The following UBE2D4 variants were observed in gnomAD, a reference collection of about 807,000 sequenced individuals.
UBE2D4 encodes the protein ubiquitin conjugating enzyme E2 D4.
UBE2D4 carries 17 observed loss-of-function variants against 23.0 expected under a neutral mutation model. That is an observed-to-expected ratio of 0.74 (90% CI 0.51 to 1.11). UBE2D4 has a LOEUF of 1.11. Ranked by LOEUF, UBE2D4 falls within the 50% of genes least tolerant of loss-of-function variation. The pLI is 0.00. For synonymous variants in UBE2D4, 61 were observed against 69.4 expected (o/e 0.88, Z 0.60); for missense variants, 139 against 181.8 (o/e 0.76, Z 1.35).
intron 2 of UBE2D4, 92 bp from the exon 3 acceptor site, chr7:43,942,734 G>T: frequency 1.3e-6 from 2 of 1,566,884 alleles, no homozygotes; most frequent in Non-Finnish European, 8.8e-7. Context: ...ATCTTGTGTA[G>T]ACAGTGCGCT....
At chr7:43,933,026 ATATACACATATGTATGTGTG>A (rs2095950136) in intron 1 of UBE2D4, among the ~76,000 whole-genome samples, 5 of 146,144 alleles carry the variant, frequency 3.4e-5, no homozygotes, top group South Asian at 4.3e-4. Context: ...ACACACATAT[ATATACACATATGTATGTGTG>A]TATATATATA....
intron 4 of UBE2D4, 75 bp from the exon 5 acceptor site, chr7:43,948,557 C>A: frequency 1.0e-6 from 1 of 973,784 alleles, no homozygotes; most frequent in Non-Finnish European, 1.6e-6. Flanking sequence ...CCAGCAGCAG[C>A]TGCTTCTGCT....
chr7:43,941,684 G>C (rs192950507), intron 2 of UBE2D4: 2 of 152,170 alleles, frequency 1.3e-5, no homozygotes, highest in Non-Finnish European at 2.9e-5. Flanking sequence ...GGAATAGAAG[G>C]GTTTATAAAG....
Position 43,953,075 on chromosome 7 carries a change from GC to G in UBE2D4, c.*384del, listed in dbSNP as rs2096006580. 1 of 453,896 alleles carries G rather than the reference GC, an allele frequency of 2.2e-6. No homozygotes were observed. Among genetic ancestry groups the G allele is most frequent in the Admixed American group, 2.4e-5 (1 of 42,128 alleles). 28.1% of individuals were successfully genotyped at this position (453,896 alleles called of 1,614,324 possible). ...GGTACCACACCAGGGCCTCAGCCTG[GC>G]CCCTCACCACATACCCTTTGCCTTT... On this transcript the variant is annotated 3_prime_UTR_variant, in exon 7 of 7. Transcript: ENST00000222402.
intron 2 of UBE2D4, 91 bp from the exon 3 acceptor site, chr7:43,942,735 A>G: frequency 1.9e-6 from 3 of 1,571,256 alleles, no homozygotes; most frequent in South Asian, 1.1e-5. Context: ...TCTTGTGTAG[A>G]CAGTGCGCTG....
At chr7:43,930,628 A>T (rs968502914) in intron 1 of UBE2D4, among the ~76,000 whole-genome samples, 8 of 151,940 alleles carry the variant, frequency 5.3e-5, no homozygotes, top group African/African-American at 1.4e-4. Flanking sequence ...CTAATTTAAA[A>T]TTTTTTGTAG....
intron 1 of UBE2D4, 25 bp downstream of exon 1, chr7:43,926,581 T>C: frequency 6.4e-7 from 1 of 1,561,182 alleles, no homozygotes; most frequent in Non-Finnish European, 8.6e-7. Context: ...ACCCTCCAAC[T>C]CTTTGGGTGT....
At chr7:43,948,592 C>A (rs762518517) in intron 4 of UBE2D4, 40 bp from the exon 5 acceptor site, 3 of 1,339,242 alleles carry the variant, frequency 2.2e-6, no homozygotes, top group Non-Finnish European at 3.2e-6. Flanking sequence ...TCCCACACGT[C>A]CCTGTGGTTT....
chr7:43,937,560 T>C (rs2095961265), intron 1 of UBE2D4, among the ~76,000 whole-genome samples: 1 of 152,206 alleles, frequency 6.6e-6, no homozygotes, highest in Admixed American at 6.5e-5. Flanking sequence ...GGTATACTGG[T>C]AGATGTTTAA....
At chr7:43,950,516 G>A (rs2095999777) in intron 5 of UBE2D4, 83 bp from the exon 6 acceptor site, 3 of 1,007,214 alleles carry the variant, frequency 3.0e-6, no homozygotes, top group Non-Finnish European at 4.7e-6. Flanking sequence ...TCAAAATACA[G>A]AGTGCAAGTT....
intron 1 of UBE2D4, among the ~76,000 whole-genome samples, chr7:43,935,968 C>T (rs1211200970): frequency 2.0e-5 from 3 of 152,152 alleles, no homozygotes; most frequent in Non-Finnish European, 4.4e-5. Flanking sequence ...ATGGCATCAC[C>T]CTCTAAAGCG....
chr7:43,933,157 G>T (rs2095951035), intron 1 of UBE2D4, among the ~76,000 whole-genome samples: 1 of 144,692 alleles, frequency 6.9e-6, no homozygotes, highest in Admixed American at 7.0e-5. Flanking sequence ...TATATGTGTG[G>T]GTGTATATAT....
Position 43,931,065 on chromosome 7 carries a change from AG to A in UBE2D4, c.24+4510del, listed in dbSNP as rs770960587. On this transcript the variant is annotated intron_variant, in intron 1 of 6. Coordinates refer to ENST00000222402, the MANE Select transcript of UBE2D4 (RefSeq NM_015983.4). Reference sequence around the variant, plus strand: ...CTTGAACCCGGGAGGCAGAGGTTTCAGTGAGCGATCATGCCACTACACTCCA... The same window carrying A: ...CTTGAACCCGGGAGGCAGAGGTTTCATGAGCGATCATGCCACTACACTCCA... 5.8e-4 allele frequency among the ~76,000 whole-genome samples: 88 copies of A among 151,878 alleles called. 1 individual carries two copies. The highest frequency in any genetic ancestry group is 3.7e-4 in the Non-Finnish European group (25 of 67,906).
intron 1 of UBE2D4, among the ~76,000 whole-genome samples, chr7:43,930,773 C>A (rs2095943519): frequency 6.6e-6 from 1 of 152,074 alleles, no homozygotes; most frequent in Admixed American, 6.6e-5. Context: ...TTATATGTGG[C>A]AGCATTTCAA....
chr7:43,945,631 C>T (rs778162750), intron 4 of UBE2D4, among the ~76,000 whole-genome samples: 70 of 150,150 alleles, frequency 4.7e-4, no homozygotes, highest in African/African-American at 1.7e-3. Flanking sequence ...TTCTCATATT[C>T]GAAAGTAAGT....
chr7:43,935,346 C>A (rs930918661), intron 1 of UBE2D4, among the ~76,000 whole-genome samples: 2 of 152,114 alleles, frequency 1.3e-5, no homozygotes, highest in African/African-American at 4.8e-5. Flanking sequence ...TATATTCTAA[C>A]CCAAAATATT....
At chr7:43,949,865 T>C (rs528346665) in intron 5 of UBE2D4, among the ~76,000 whole-genome samples, 1 of 152,230 alleles carries the variant, frequency 6.6e-6, no homozygotes, top group East Asian at 1.9e-4. Flanking sequence ...TTCTTTATTT[T>C]TTTTTTGAGA....
chr7:43,938,034 A>G (rs1041534698), intron 1 of UBE2D4, among the ~76,000 whole-genome samples: 2 of 152,090 alleles, frequency 1.3e-5, no homozygotes, highest in African/African-American at 4.8e-5. Context: ...TCCTTCTCCC[A>G]GAACTCTCTC....
chr7:43,934,450 T>G (rs188615412), intron 1 of UBE2D4, among the ~76,000 whole-genome samples: 3 of 122,806 alleles, frequency 2.4e-5, no homozygotes, highest in Admixed American at 2.4e-4. Context: ...TCACTTGTTT[T>G]TCCTTTTTTT....
Sources: allele counts gnomAD v4.1 joint callset (sites outside exome capture counted in the v4.1 genomes callset), GRCh38; gene constraint gnomAD v4.1.1; transcripts MANE v1.5; gene names NCBI Gene and HGNC (gene_info 2026-07-23, HGNC 2026-07-21).